ONECUT1: variants seen among roughly 807,000 people sequenced by gnomAD.
The protein encoded by ONECUT1 is hepatocyte nuclear factor 6.
ONECUT1 carries 12 observed loss-of-function variants against 25.6 expected under a neutral mutation model. The observed-to-expected ratio is 0.47, with a 90% confidence interval of 0.30 to 0.76. The LOEUF (loss-of-function observed/expected upper bound fraction) is 0.76, where lower values mean the gene tolerates loss of function less well. Among genes scored for constraint, ONECUT1 ranks in the 30% least tolerant of loss-of-function variants. The pLI is 0.07. For missense variants in ONECUT1, 620 were observed against 651.2 expected, an observed-to-expected ratio of 0.95 and a Z score of 0.52; for synonymous variants, 285 against 270.2, an observed-to-expected ratio of 1.05 and a Z score of -0.54.
chr15:52,772,323 T>C (rs1252139163), intron 1 of ONECUT1, among the ~76,000 whole-genome samples: 2 of 147,766 alleles, frequency 1.4e-5, no homozygotes, highest in Non-Finnish European at 3.0e-5. Flanking sequence ...GAACCCGGGA[T>C]GCAGAGGTTG....
chr15:52,773,277 C>T (rs1397979810), intron 1 of ONECUT1, among the ~76,000 whole-genome samples: 1 of 151,452 alleles, frequency 6.6e-6, no homozygotes. Context: ...TACTGGGTAC[C>T]AGAGTTCCCA....
rs1292767890 is a variant in ONECUT1, at chr15:52,757,502, A to AT, written c.*52dup. On this transcript the variant is annotated 3_prime_UTR_variant, in exon 2 of 2. Coordinates refer to ENST00000305901, the MANE Select transcript of ONECUT1 (RefSeq NM_004498.4). ...ATCTTGAGGTCCTGGTCTTTTAAAA[A>AT]TTTTTTTTAATTTAAAGCTTTTCCA... 7.2e-6 allele frequency: 11 copies of AT among 1,538,306 alleles called. No homozygotes were observed. Among genetic ancestry groups the AT allele is most frequent in the African/African-American group, 5.6e-5 (4 of 71,828 alleles).
rs35138937 is a variant in ONECUT1 at position 52,789,054 on chromosome 15, G to A, written c.831C>T (p.Gly277=). 8.7e-6 allele frequency: 14 copies of A among 1,603,228 alleles called. No individual in the cohort carries two copies. The highest frequency in any genetic ancestry group is 1.7e-5 in the Admixed American group (1 of 60,022). Reference sequence around the variant, plus strand: ...AATTACTTCCATTGCTGACCTGCGCGCCGGTCACCGAAGGGTTGGGCTCCC... The same window carrying A: ...AATTACTTCCATTGCTGACCTGCGCACCGGTCACCGAAGGGTTGGGCTCCC... ...TAREPNPSVT[G]AQVSNGSNSG... is the part of the protein sequence containing the mutation. Residue 277 remains glycine, a synonymous_variant, in exon 1 of 2, where the codon GGC becomes GGT. Coordinates refer to ENST00000305901, the MANE Select transcript of ONECUT1 (RefSeq NM_004498.4). This position sits in a 1 kb window ranked among gnomAD's most constrained non-coding sequence, Gnocchi z 4.1.
chr15:52,789,535 G>A lies in ONECUT1; in HGVS notation c.350C>T (p.Thr117Ile), dbSNP rs1183365078. The A allele has an allele frequency of 6.2e-7, 1 of 1,605,564 alleles. No individual in the cohort carries two copies. Residue 117 changes from threonine (T) to isoleucine (I), a missense_variant, in exon 1 of 2, where the codon ACA (threonine) becomes ATA (isoleucine). By Grantham distance (89) the Thr-to-Ile change is moderately conservative. Around this residue, in one of 4 missense-constraint regions of ONECUT1, gnomAD observed 440 missense variants for 404.9 expected, o/e 1.09. Coordinates refer to ENST00000305901, the MANE Select transcript of ONECUT1 (RefSeq NM_004498.4). The surrounding 1 kb of genome is among the most constrained non-coding windows in gnomAD (Gnocchi z 4.1). ...TPLQPLPPISTVSDKFPHHHH... is the reference protein window; with the variant it reads ...TPLQPLPPISIVSDKFPHHHH... ...ATGGTGGGGGAACTTGTCCGAGACT[G>A]TGGAGATGGGAGGCAGCGGCTGCAG... is the stretch of plus-strand genomic sequence containing the variant.
intron 1 of ONECUT1, among the ~76,000 whole-genome samples, chr15:52,764,135 T>C (rs1336179849): frequency 6.6e-6 from 1 of 152,214 alleles, no homozygotes; most frequent in African/African-American, 2.4e-5. Context: ...GCTGATTGGA[T>C]TATGCAAAAG....
chr15:52,778,059 A>T lies in ONECUT1; in HGVS notation c.1105+10721T>A, dbSNP rs573609358. On this transcript the variant is annotated intron_variant, in intron 1 of 1. Coordinates refer to ENST00000305901, the MANE Select transcript of ONECUT1 (RefSeq NM_004498.4). Reference sequence around the variant, plus strand: ...GCTTGGGTTGAGGAATCAGACAAAAACAATGTTTCTACCTCCTCAATGTTA... The same window carrying T: ...GCTTGGGTTGAGGAATCAGACAAAATCAATGTTTCTACCTCCTCAATGTTA... 8.5e-5 allele frequency among the ~76,000 whole-genome samples: 13 copies of T among 152,320 alleles called. No homozygotes were observed. The East Asian group carries it at 2.1e-3, about 25-fold the overall frequency.
In ONECUT1 at chr15:52,777,733, C is replaced by CAAAA. The variant is rs1402130601; in HGVS notation, c.1105+11046_1105+11047insTTTT. Among the ~76,000 whole-genome samples, 153 of 85,236 alleles carry CAAAA rather than the reference C, an allele frequency of 1.8e-3. 1 individual carries two copies. Among genetic ancestry groups the CAAAA allele is most frequent in the South Asian group, 5.0e-3 (13 of 2,606 alleles). The allele number at this position is 85,236 out of a possible 152,430, so 55.9% of individuals were successfully genotyped here. A position where few individuals can be genotyped will look rare whatever the true frequency, so the allele number is the denominator to read the frequency against. On this transcript the variant is annotated intron_variant, in intron 1 of 1. Transcript: ENST00000305901. ...ACACACACACACACACACACACACA[C>CAAAA]ACACAAAAAAACATGTAAAGTTATT...
chr15:52,761,275 G>C (rs1317970449), intron 1 of ONECUT1, among the ~76,000 whole-genome samples: 1 of 152,128 alleles, frequency 6.6e-6, no homozygotes, highest in Non-Finnish European at 1.5e-5. Flanking sequence ...CCACCCCCAG[G>C]GGGATTATTT....
chr15:52,788,067 T>G lies in ONECUT1; in HGVS notation c.1105+713A>C, dbSNP rs1216946947. On this transcript the variant is annotated intron_variant, in intron 1 of 1. Coordinates refer to ENST00000305901, the MANE Select transcript of ONECUT1 (RefSeq NM_004498.4). The surrounding 1 kb of genome is among the most constrained non-coding windows in gnomAD (Gnocchi z 4.3). Reference sequence around the variant, plus strand: ...AGTCCTCAGGGAGTCGGCAGCGGAGTCGGTCCCAGGACATGGCTATTGCTT... The same window carrying G: ...AGTCCTCAGGGAGTCGGCAGCGGAGGCGGTCCCAGGACATGGCTATTGCTT... The G allele has an allele frequency of 6.7e-6, 1 of 149,640 alleles. No individual in the cohort carries two copies. The allele number at this position is 149,640 out of a possible 1,614,324, so 9.3% of individuals were successfully genotyped here. A position where few individuals can be genotyped will look rare whatever the true frequency, so the allele number is the denominator to read the frequency against.
chr15:52,780,832 A>G, intron 1 of ONECUT1: 1 of 1,332,010 alleles, frequency 7.5e-7, no homozygotes. Flanking sequence ...TGAGATCATC[A>G]CCAGATGTGA....
chr15:52,758,271 T>C (rs2083685947), intron 1 of ONECUT1, among the ~76,000 whole-genome samples: 1 of 152,194 alleles, frequency 6.6e-6, no homozygotes, highest in African/African-American at 2.4e-5. Context: ...ATGCTAACTT[T>C]ACAAATGCAA....
chr15:52,785,978 CG>C (rs1397351031), intron 1 of ONECUT1: 1 of 152,184 alleles, frequency 6.6e-6, no homozygotes, highest in Non-Finnish European at 1.5e-5. Flanking sequence ...CGCTGCGGAG[CG>C]AAGGAACCGA....
At chr15:52,786,823 G>A (rs1429657148) in intron 1 of ONECUT1, among the ~76,000 whole-genome samples, 1 of 143,216 alleles carries the variant, frequency 7.0e-6, no homozygotes, top group African/African-American at 2.5e-5. Context: ...GAAGTCCAGA[G>A]CAAGAGCCTC....
intron 1 of ONECUT1, among the ~76,000 whole-genome samples, chr15:52,767,591 T>G (rs2141450697): frequency 6.6e-6 from 1 of 152,350 alleles, no homozygotes; most frequent in East Asian, 1.9e-4. Context: ...CCCCCTGTAC[T>G]GCAGCTTCAA....
chr15:52,757,502 A>T lies in ONECUT1; in HGVS notation c.*53T>A, dbSNP rs563361433. 1,114 of 1,538,422 alleles carry T rather than the reference A, an allele frequency of 7.2e-4. 3 individuals carry two copies. Among genetic ancestry groups the T allele is most frequent in the South Asian group, 3.0e-3 (237 of 78,014 alleles). On this transcript the variant is annotated 3_prime_UTR_variant, in exon 2 of 2. Transcript: ENST00000305901. ...ATCTTGAGGTCCTGGTCTTTTAAAA[A>T]TTTTTTTTAATTTAAAGCTTTTCCA... is the stretch of plus-strand genomic sequence containing the variant.
At position 52,786,235 on chromosome 15, in the gene ONECUT1, G is replaced by A. The variant is rs148734606; in HGVS notation, c.1105+2545C>T. 3.4e-4 allele frequency among the ~76,000 whole-genome samples: 52 copies of A among 152,376 alleles called. 1 individual carries two copies. In the East Asian group the frequency reaches 9.3e-3, roughly 27 times the overall value. On this transcript the variant is annotated intron_variant, in intron 1 of 1. Transcript: ENST00000305901. ...CCCACTCTTTTTAAAATATGAAAAT[G>A]TTAATGAGATGGCTCCTTCTTCAGT... is the stretch of plus-strand genomic sequence containing the variant.
Position 52,757,365 on chromosome 15 carries a change from T to C in ONECUT1, c.*190A>G. On this transcript the variant is annotated 3_prime_UTR_variant, in exon 2 of 2. Transcript: ENST00000305901. ...TTGTCTTGCCAAGTCGCCGCCCTGC[T>C]GAAGTGTGTGTCTCCAAACAAAGTC... The C allele has an allele frequency of 4.8e-6, 3 of 622,612 alleles. No homozygotes were observed. The highest frequency in any genetic ancestry group is 8.0e-6 in the Non-Finnish European group (3 of 373,522). The allele number at this position is 622,612 out of a possible 1,614,324, so 38.6% of individuals were successfully genotyped here.
intron 1 of ONECUT1, among the ~76,000 whole-genome samples, chr15:52,762,977 C>CAG (rs138699375): frequency 1.4e-4 from 21 of 149,284 alleles, no homozygotes; most frequent in East Asian, 5.9e-4. Context: ...GCAAGATAGA[C>CAG]AGAGAGAGAG....
At chr15:52,762,637 AT>A (rs1280802159) in intron 1 of ONECUT1, among the ~76,000 whole-genome samples, 1 of 152,174 alleles carries the variant, frequency 6.6e-6, no homozygotes. Context: ...GTAAGGGCAG[AT>A]CAGTATCCAC....
Sources: allele counts gnomAD v4.1 joint callset (sites outside exome capture counted in the v4.1 genomes callset), GRCh38; gene constraint gnomAD v4.1.1; regional missense constraint gnomAD v4.1.1; non-coding constraint Gnocchi (gnomAD v3.1); transcripts MANE v1.5; gene names NCBI Gene and HGNC (gene_info 2026-07-23, HGNC 2026-07-21).